Variants in CSMD1 observed in about 807,000 individuals in gnomAD.
The protein encoded by CSMD1 is CUB and Sushi multiple domains 1.
In CSMD1, 213 loss-of-function variants were observed where a neutral mutation model predicts 417.5. The ratio of observed to expected loss-of-function variants is 0.51; its 90% CI spans 0.46 to 0.57. The LOEUF (loss-of-function observed/expected upper bound fraction) is 0.57, where lower values mean the gene tolerates loss of function less well. Among genes scored for constraint, CSMD1 ranks in the 20% least tolerant of loss-of-function variants. The pLI is 0.00. For missense variants in CSMD1, 6,923 were observed against 4,529.7 expected, an observed-to-expected ratio of 1.53 and a Z score of -15.17; for synonymous variants, 2,862 against 1,736.8, an observed-to-expected ratio of 1.65 and a Z score of -16.11.
intron 10 of CSMD1, among the ~76,000 whole-genome samples, chr8:3,534,631 G>C (rs1419046313): frequency 1.3e-5 from 2 of 152,056 alleles, no homozygotes; most frequent in Admixed American, 1.3e-4. Context: ...ATGTCAGTTG[G>C]TATCTTGGGA....
chr8:3,817,074 T>G (rs1394269653), intron 5 of CSMD1, among the ~76,000 whole-genome samples: 1 of 151,870 alleles, frequency 6.6e-6, no homozygotes, highest in Non-Finnish European at 1.5e-5. Context: ...GAAGATAATC[T>G]GTTGAGATGA....
intron 5 of CSMD1, among the ~76,000 whole-genome samples, chr8:3,809,515 C>T (rs1182306045): frequency 6.6e-6 from 1 of 152,134 alleles, no homozygotes; most frequent in Non-Finnish European, 1.5e-5. Flanking sequence ...ATTGGGTCAT[C>T]CCAGAAATTA....
At chr8:4,045,352 G>C (rs1464140123) in intron 3 of CSMD1, among the ~76,000 whole-genome samples, 1 of 152,200 alleles carries the variant, frequency 6.6e-6, no homozygotes, top group Non-Finnish European at 1.5e-5. Flanking sequence ...GATATGAGCA[G>C]ACGAACGGTT....
At chr8:3,555,150 C>A (rs4875734) in intron 10 of CSMD1, among the ~76,000 whole-genome samples, 51,199 of 151,454 alleles carry the variant, frequency 0.34, 9,696 homozygotes, top group East Asian at 0.47. Context: ...AAAACCTAGG[C>A]CAGAAAACAA....
intron 17 of CSMD1, among the ~76,000 whole-genome samples, chr8:3,392,137 A>G (rs1310509618): frequency 1.3e-5 from 2 of 151,348 alleles, no homozygotes; most frequent in Non-Finnish European, 2.9e-5. Flanking sequence ...GGATAGCATT[A>G]GGAGATATAC....
intron 3 of CSMD1, among the ~76,000 whole-genome samples, chr8:4,418,189 C>A (rs773778704): frequency 2.6e-5 from 4 of 151,920 alleles, no homozygotes; most frequent in Non-Finnish European, 4.4e-5. Flanking sequence ...TATAATATCA[C>A]CATTTCAAAT....
chr8:4,369,626 C>T (rs1052694374), intron 3 of CSMD1, among the ~76,000 whole-genome samples: 2 of 152,144 alleles, frequency 1.3e-5, no homozygotes, highest in Admixed American at 6.5e-5. Context: ...AGTGCTCCCA[C>T]GTTGAGTGAC....
chr8:4,789,369 T>C (rs1797574093), intron 1 of CSMD1, among the ~76,000 whole-genome samples: 2 of 152,222 alleles, frequency 1.3e-5, no homozygotes, highest in Admixed American at 1.3e-4. Flanking sequence ...TCTGTGTCTT[T>C]GTAGCTCTCT....
chr8:4,405,293 AT>A, intron 3 of CSMD1, among the ~76,000 whole-genome samples: 1 of 152,220 alleles, frequency 6.6e-6, no homozygotes, highest in East Asian at 1.9e-4. Context: ...ATCATAGCAT[AT>A]TGAAATAACT....
chr8:3,304,295 C>T (rs1406991987), intron 25 of CSMD1, among the ~76,000 whole-genome samples: 1 of 152,056 alleles, frequency 6.6e-6, no homozygotes, highest in African/African-American at 2.4e-5. Context: ...GACTATGTTA[C>T]CATTGAAATA....
At chr8:4,113,450 G>A (rs1801967114) in intron 3 of CSMD1, among the ~76,000 whole-genome samples, 1 of 144,262 alleles carries the variant, frequency 6.9e-6, no homozygotes, top group Non-Finnish European at 1.5e-5. Context: ...TGTCACGCAG[G>A]CTGGACTGCA....
At chr8:4,243,362 AG>A (rs1332272260) in intron 3 of CSMD1, among the ~76,000 whole-genome samples, 1 of 152,166 alleles carries the variant, frequency 6.6e-6, no homozygotes, top group African/African-American at 2.4e-5. Context: ...CAATGCCGAG[AG>A]GGGCCCAAAA....
At chr8:4,135,014 T>G (rs145243216) in intron 3 of CSMD1, among the ~76,000 whole-genome samples, 9 of 152,278 alleles carry the variant, frequency 5.9e-5, no homozygotes, top group Admixed American at 1.3e-4. Flanking sequence ...AGAATTTTTA[T>G]TGATTATTTT....
chr8:3,777,613 C>G (rs1165123038), intron 5 of CSMD1, among the ~76,000 whole-genome samples: 4 of 152,204 alleles, frequency 2.6e-5, no homozygotes, highest in Non-Finnish European at 4.4e-5. Context: ...TGAGATGCCT[C>G]CCCCACCAGC....
intron 5 of CSMD1, among the ~76,000 whole-genome samples, chr8:3,830,696 C>G (rs1376826274): frequency 2.0e-5 from 3 of 152,146 alleles, no homozygotes; most frequent in African/African-American, 7.2e-5. Context: ...AAAAATGCCC[C>G]AATTCCTCCC....
intron 5 of CSMD1, among the ~76,000 whole-genome samples, chr8:3,973,130 G>A (rs908729383): frequency 1.5e-4 from 23 of 152,178 alleles, no homozygotes; most frequent in Admixed American, 1.4e-3. Context: ...GGAAAGTTAT[G>A]AAAATAAAAT....
intron 50 of CSMD1, among the ~76,000 whole-genome samples, chr8:3,048,427 C>T (rs932127724): frequency 2.4e-4 from 36 of 152,122 alleles, no homozygotes; most frequent in African/African-American, 8.2e-4. Context: ...CAGAAATAAA[C>T]CCACATAAAT....
intron 1 of CSMD1, among the ~76,000 whole-genome samples, chr8:4,811,541 C>T (rs971598537): frequency 6.6e-6 from 1 of 151,876 alleles, no homozygotes. Context: ...GAGGTATTTC[C>T]CAATATTGAC....
chr8:4,381,667 C>G (rs1051995036), intron 3 of CSMD1, among the ~76,000 whole-genome samples: 1 of 152,186 alleles, frequency 6.6e-6, no homozygotes, highest in Non-Finnish European at 1.5e-5. Context: ...CCTCATTCCC[C>G]AGTGTTGTGT....
Sources: gnomAD v4.1 joint callset for allele counts (sites outside exome capture counted in the v4.1 genomes callset) on GRCh38, gnomAD v4.1.1 for gene constraint, MANE v1.5 for transcripts, NCBI Gene and HGNC (gene_info 2026-07-23, HGNC 2026-07-21) for gene names.